NARS2: variants seen among roughly 807,000 people sequenced by gnomAD.
The protein encoded by NARS2 is asparaginyl-tRNA synthetase.
A neutral mutation model predicts 62.9 loss-of-function variants in NARS2; 60 were observed. That is an observed-to-expected ratio of 0.95 (90% CI 0.77 to 1.18). The LOEUF (loss-of-function observed/expected upper bound fraction) is 1.18, where lower values mean the gene tolerates loss of function less well. Ranked by LOEUF, NARS2 falls within the 50% of genes most tolerant of loss-of-function variation. The pLI is 0.00. For synonymous variants in NARS2, 196 were observed against 200.0 expected (o/e 0.98, Z 0.17); for missense variants, 619 against 576.4 (o/e 1.07, Z -0.76).
At chr11:78,515,347 C>T (rs761909066) in intron 6 of NARS2, among the ~76,000 whole-genome samples, 2 of 152,098 alleles carry the variant, frequency 1.3e-5, no homozygotes, top group Non-Finnish European at 2.9e-5. Context: ...GGAGGTCCCA[C>T]TCCCAGGGGT....
intron 5 of NARS2, 90 bp from the exon 6 acceptor site, chr11:78,529,026 A>C: frequency 1.2e-6 from 1 of 830,998 alleles, no homozygotes; most frequent in Non-Finnish European, 2.0e-6. Flanking sequence ...AAAAATCACA[A>C]TGCAATTAAA....
At chr11:78,471,309 CTAAGA>C (rs1858862518) in intron 9 of NARS2, among the ~76,000 whole-genome samples, 1 of 152,066 alleles carries the variant, frequency 6.6e-6, no homozygotes, top group Non-Finnish European at 1.5e-5. Flanking sequence ...CTTTTAACGG[CTAAGA>C]TAATGACTGA....
At position 78,574,421 on chromosome 11, in the gene NARS2, T is replaced by C; in HGVS notation, c.68A>G (p.Lys23Arg). The change falls in exon 1 of 14, where the codon AAA becomes AGA. Residue 23 changes from lysine (K) to arginine (R), a missense_variant. Lys to Arg is a conservative substitution (Grantham distance 26). Transcript: ENST00000281038. ...FCSSAPFPKH[K>R]PSAKLSVRDA... ...CCGCACGCTCAGTTTGGCTGAAGGT[T>C]TGTGCTTGGGGAAGGGGGCGGAGGA... The C allele has an allele frequency of 6.2e-7, 1 of 1,614,116 alleles. No homozygotes were observed. Among genetic ancestry groups the C allele is most frequent in the Non-Finnish European group, 8.5e-7 (1 of 1,180,000 alleles).
intron 1 of NARS2, 140 bp downstream of exon 1, chr11:78,574,208 G>A: frequency 9.5e-7 from 1 of 1,053,702 alleles, no homozygotes; most frequent in Non-Finnish European, 1.4e-6. Flanking sequence ...TCAGAAAAGT[G>A]CAAACCCGCG....
chr11:78,459,796 G>T (rs899199194), intron 11 of NARS2, among the ~76,000 whole-genome samples: 17 of 152,018 alleles, frequency 1.1e-4, no homozygotes, highest in African/African-American at 3.6e-4. Flanking sequence ...TGACATAGAG[G>T]AAAGTGTCAT....
At chr11:78,543,068 C>A (rs576373337) in intron 5 of NARS2, among the ~76,000 whole-genome samples, 1 of 152,168 alleles carries the variant, frequency 6.6e-6, no homozygotes, top group African/African-American at 2.4e-5. Flanking sequence ...ATCCCAGCCA[C>A]TAGGGAGGCT....
intron 6 of NARS2, among the ~76,000 whole-genome samples, chr11:78,516,383 T>C (rs1024209598): frequency 1.3e-5 from 2 of 152,222 alleles, no homozygotes; most frequent in Non-Finnish European, 1.5e-5. Flanking sequence ...TAAACATGAA[T>C]GACATTTAAA....
intron 6 of NARS2, among the ~76,000 whole-genome samples, chr11:78,514,623 T>C (rs1342891995): frequency 6.6e-6 from 1 of 152,210 alleles, no homozygotes; most frequent in Non-Finnish European, 1.5e-5. Context: ...ATCCTTCATA[T>C]ACTTTTTCTG....
chr11:78,563,508 G>A lies in NARS2; in HGVS notation c.513+2624C>T, dbSNP rs995915571. 6.6e-5 allele frequency among the ~76,000 whole-genome samples: 10 copies of A among 151,624 alleles called. No individual in the cohort carries two copies. In the South Asian group the frequency reaches 1.0e-3, roughly 16 times the overall value. On this transcript the variant is annotated intron_variant, in intron 4 of 13. Transcript: ENST00000281038. ...TGAGATTTCAGGAGTGAGCCACAGC[G>A]CCCGGCCATGAATGTTTTTCAAATT...
At chr11:78,446,264 C>A (rs1231799933) in intron 11 of NARS2, among the ~76,000 whole-genome samples, 6 of 152,100 alleles carry the variant, frequency 3.9e-5, no homozygotes, top group Non-Finnish European at 7.3e-5. Flanking sequence ...CAAGATTGTA[C>A]CCCCAGTGCT....
At chr11:78,557,840 T>C (rs1856417307) in intron 5 of NARS2, among the ~76,000 whole-genome samples, 1 of 148,572 alleles carries the variant, frequency 6.7e-6, no homozygotes, top group Non-Finnish European at 1.5e-5. Context: ...ATCTCTCTTA[T>C]ATTTTATATA....
At chr11:78,437,109 C>T (rs1857433367) in intron 13 of NARS2, among the ~76,000 whole-genome samples, 1 of 152,148 alleles carries the variant, frequency 6.6e-6, no homozygotes, top group Admixed American at 6.5e-5. Flanking sequence ...CCTCAGGAGG[C>T]TACAGAAAAT....
At chr11:78,440,478 G>T (rs2135132970) in intron 13 of NARS2, among the ~76,000 whole-genome samples, 1 of 152,162 alleles carries the variant, frequency 6.6e-6, no homozygotes, top group South Asian at 2.1e-4. Flanking sequence ...TAATAAGAAG[G>T]GTCAGGATAA....
intron 12 of NARS2, among the ~76,000 whole-genome samples, chr11:78,441,892 A>C (rs115302789): frequency 0.011 from 1,652 of 152,312 alleles, 36 homozygotes; most frequent in African/African-American, 0.039. Context: ...TATTAATAAA[A>C]TTTTAAATTC....
chr11:78,505,888 T>A (rs999565756), intron 6 of NARS2, among the ~76,000 whole-genome samples: 15 of 152,006 alleles, frequency 9.9e-5, no homozygotes, highest in African/African-American at 3.6e-4. Context: ...AAGCTTCTGG[T>A]CTTCAAAAAA....
chr11:78,484,446 A>T (rs1425659822), intron 7 of NARS2, among the ~76,000 whole-genome samples: 2 of 152,232 alleles, frequency 1.3e-5, no homozygotes, highest in Non-Finnish European at 2.9e-5. Context: ...ACCAGAGTAA[A>T]GAGGCAACCT....
At chr11:78,481,997 T>C (rs1487047865) in intron 7 of NARS2, among the ~76,000 whole-genome samples, 4 of 152,062 alleles carry the variant, frequency 2.6e-5, no homozygotes, top group Admixed American at 1.3e-4. Context: ...CACCAAAACA[T>C]GAATATTCTT....
At chr11:78,463,783 A>C (rs1858496085) in intron 11 of NARS2, among the ~76,000 whole-genome samples, 1 of 150,134 alleles carries the variant, frequency 6.7e-6, no homozygotes, top group Non-Finnish European at 1.5e-5. Context: ...CAAAACAGGC[A>C]GACAGAGAAG....
At chr11:78,469,457 A>C (rs2135227906) in intron 9 of NARS2, 144 bp from the exon 10 acceptor site, 73 of 621,488 alleles carry the variant, frequency 1.2e-4, no homozygotes, top group Middle Eastern at 6.4e-4. Flanking sequence ...TAATCCTATG[A>C]AAGAATGATC....
Sources: gnomAD v4.1 joint callset for allele counts (sites outside exome capture counted in the v4.1 genomes callset) on GRCh38, gnomAD v4.1.1 for gene constraint, MANE v1.5 for transcripts, NCBI Gene and HGNC (gene_info 2026-07-23, HGNC 2026-07-21) for gene names.